Variants in GALNT13 observed in about 807,000 individuals in gnomAD.
GALNT13 encodes the protein UDP-GalNAc:polypeptide N-acetylgalactosaminyltransferase 13.
Under a neutral mutation model 64.2 loss-of-function variants are expected in GALNT13, and 28 were observed. The ratio of observed to expected loss-of-function variants is 0.44; its 90% confidence interval spans 0.32 to 0.60. The LOEUF is 0.60. Among genes scored for constraint, GALNT13 ranks in the 20% least tolerant of loss-of-function variants. The pLI, the probability that GALNT13 is intolerant of heterozygous loss-of-function variation, is 0.05. For synonymous variants in GALNT13, 214 were observed against 224.6 expected (o/e 0.95, Z 0.42); for missense variants, 577 against 669.8 (o/e 0.86, Z 1.53).
chr2:154,308,078 C>T (rs1189882266), intron 9 of GALNT13, among the ~76,000 whole-genome samples: 2 of 152,068 alleles, frequency 1.3e-5, no homozygotes, highest in Non-Finnish European at 2.9e-5. Context: ...GATGGACACT[C>T]TTGTTTTGAG....
chr2:154,211,651 AAAAAGAAAAG>A (rs1559027479), intron 4 of GALNT13, among the ~76,000 whole-genome samples: 1 of 147,800 alleles, frequency 6.8e-6, no homozygotes, highest in South Asian at 2.1e-4. Context: ...AAAAAAAAAA[AAAAAGAAAAG>A]AAAAGAAAAG....
the GALNT13 span, among the ~76,000 whole-genome samples, chr2:153,329,647 G>A: frequency 6.6e-6 from 1 of 152,084 alleles, no homozygotes; most frequent in African/African-American, 2.4e-5. Context: ...TTGTTCAATT[G>A]TTTAATATCC....
At chr2:153,197,927 T>C in the GALNT13 span, among the ~76,000 whole-genome samples, 12 of 152,278 alleles carry the variant, frequency 7.9e-5, no homozygotes, top group East Asian at 2.1e-3. Flanking sequence ...GGTTTCAGGC[T>C]CTTCGGAGCA....
chr2:154,227,805 C>T (rs956008427), intron 4 of GALNT13, among the ~76,000 whole-genome samples: 3 of 151,984 alleles, frequency 2.0e-5, no homozygotes, highest in Admixed American at 1.3e-4. Context: ...TCACCAGTGG[C>T]GCTTGTGGCT....
the GALNT13 span, among the ~76,000 whole-genome samples, chr2:153,832,522 A>G: frequency 6.6e-6 from 1 of 152,150 alleles, no homozygotes; most frequent in South Asian, 2.1e-4. Context: ...ATAAAATAAA[A>G]GTTAGTAGTT....
At chr2:154,036,987 T>C (rs1180920410) in intron 3 of GALNT13, among the ~76,000 whole-genome samples, 1 of 152,156 alleles carries the variant, frequency 6.6e-6, no homozygotes, top group Non-Finnish European at 1.5e-5. Context: ...TAAAAGTGCC[T>C]AATAAACAAT....
At chr2:154,360,383 C>G (rs755168566) in intron 9 of GALNT13, among the ~76,000 whole-genome samples, 1 of 152,040 alleles carries the variant, frequency 6.6e-6, no homozygotes, top group Non-Finnish European at 1.5e-5. Flanking sequence ...CATTCATGTT[C>G]CTGAAATATT....
At chr2:153,611,754 A>G in the GALNT13 span, among the ~76,000 whole-genome samples, 2 of 135,378 alleles carry the variant, frequency 1.5e-5, no homozygotes, top group African/African-American at 5.6e-5. Context: ...TTTGTTACAT[A>G]GGTATACATG....
chr2:153,713,735 T>G, the GALNT13 span, among the ~76,000 whole-genome samples: 1 of 152,220 alleles, frequency 6.6e-6, no homozygotes, highest in African/African-American at 2.4e-5. Context: ...CCACCTTCCT[T>G]GGCCTCCCAA....
chr2:153,778,130 C>T, the GALNT13 span, among the ~76,000 whole-genome samples: 1 of 152,108 alleles, frequency 6.6e-6, no homozygotes, highest in Non-Finnish European at 1.5e-5. Flanking sequence ...GCTCCTATGC[C>T]GGTGTGCTCC....
chr2:153,266,871 T>G, the GALNT13 span, among the ~76,000 whole-genome samples: 3 of 152,156 alleles, frequency 2.0e-5, no homozygotes, highest in Non-Finnish European at 4.4e-5. Context: ...ACGTCTTAAC[T>G]CATTCCAGCA....
At chr2:154,432,203 C>T (rs999141851) in intron 11 of GALNT13, among the ~76,000 whole-genome samples, 52 of 152,236 alleles carry the variant, frequency 3.4e-4, no homozygotes, top group African/African-American at 1.3e-3. Context: ...TATGAAGATA[C>T]AGCTATAATA....
At chr2:154,067,782 G>A (rs113815848) in intron 3 of GALNT13, among the ~76,000 whole-genome samples, 5,651 of 152,086 alleles carry the variant, frequency 0.037, 158 homozygotes, top group Non-Finnish European at 0.059. Flanking sequence ...AAAATTTAGG[G>A]AAACTCTCCA....
intron 3 of GALNT13, among the ~76,000 whole-genome samples, chr2:154,099,182 A>G (rs1324297871): frequency 6.6e-6 from 1 of 152,056 alleles, no homozygotes; most frequent in East Asian, 1.9e-4. Flanking sequence ...GATGTTGAGC[A>G]TTTTCTCATT....
chr2:153,895,711 T>C (rs1423179373), intron 1 of GALNT13, among the ~76,000 whole-genome samples: 2 of 152,060 alleles, frequency 1.3e-5, no homozygotes, highest in Admixed American at 1.3e-4. Flanking sequence ...TAAAATATGG[T>C]TTAACAAGTT....
At position 154,450,636 on chromosome 2, in the gene GALNT13, T is replaced by C. The variant is rs979599151; in HGVS notation, c.*85T>C. ...GGGGGAAAATATTAACTTTGCTGAA[T>C]TGAAAGTTTTAAAAATCCTTTTAGT... is the stretch of plus-strand genomic sequence containing the variant. On this transcript the variant is annotated 3_prime_UTR_variant, in exon 13 of 13. Coordinates refer to ENST00000392825, the MANE Select transcript of GALNT13 (RefSeq NM_052917.4). 3.2e-6 allele frequency: 4 copies of C among 1,254,516 alleles called. No individual in the cohort carries two copies. Among genetic ancestry groups the C allele is most frequent in the African/African-American group, 1.5e-5 (1 of 66,104 alleles). The allele number at this position is 1,254,516 out of a possible 1,614,324, so 77.7% of individuals were successfully genotyped here.
chr2:153,882,491 C>T (rs551551465), intron 1 of GALNT13, among the ~76,000 whole-genome samples: 3 of 152,208 alleles, frequency 2.0e-5, no homozygotes, highest in South Asian at 4.1e-4. Flanking sequence ...CTTAGAAAAA[C>T]AATGCCTCTT....
At chr2:153,155,642 C>A in the GALNT13 span, among the ~76,000 whole-genome samples, 1 of 151,888 alleles carries the variant, frequency 6.6e-6, no homozygotes, top group Admixed American at 6.6e-5. Flanking sequence ...AGTGGTCTAT[C>A]TATGTTATTA....
the GALNT13 span, among the ~76,000 whole-genome samples, chr2:153,525,838 T>A: frequency 6.6e-6 from 1 of 152,060 alleles, no homozygotes. Flanking sequence ...AGCATGTAAG[T>A]CCCAGGCCAG....
Sources: allele counts gnomAD v4.1 joint callset (sites outside exome capture counted in the v4.1 genomes callset), GRCh38; gene constraint gnomAD v4.1.1; transcripts MANE v1.5; gene names NCBI Gene and HGNC (gene_info 2026-07-23, HGNC 2026-07-21).